WDR72: variants seen among roughly 807,000 people sequenced by gnomAD.
WDR72 encodes the protein WD repeat domain 72.
WDR72 carries 120 observed loss-of-function variants against 124.2 expected under a neutral mutation model. The ratio of observed to expected loss-of-function variants is 0.97; its 90% CI spans 0.83 to 1.12. The LOEUF is 1.12. WDR72 is among the 50% of genes most tolerant of loss of function. The probability of loss-of-function intolerance (pLI) is 0.00; values close to 1 mark genes in which losing one functional copy is unlikely to be tolerated. For synonymous variants in WDR72, 452 were observed against 441.7 expected, an observed-to-expected ratio of 1.02 and a Z score of -0.29; for missense variants, 1,387 against 1,278.8, an observed-to-expected ratio of 1.08 and a Z score of -1.29.
Position 53,722,897 on chromosome 15 carries a change from T to G in WDR72, c.165A>C (p.Lys55Asn), listed in dbSNP as rs760229222. The G allele has an allele frequency of 1.2e-6, 2 of 1,614,124 alleles. No individual in the cohort carries two copies. The highest frequency in any genetic ancestry group is 1.7e-6 in the Non-Finnish European group (2 of 1,179,986). ...NLSHELKISAKELLFGHSASV... is the reference protein window; with the variant it reads ...NLSHELKISANELLFGHSASV... The stretch of plus-strand genomic sequence containing the variant: ...AAGCTGAATGACCAAATAGGAGTTC[T>G]TTCGCTGAAATCTGAAAATAATGAG... The change falls in exon 3 of 20, where the codon AAA becomes AAC. Residue 55 changes from lysine (K) to asparagine (N), a missense_variant. Physicochemically the swap from Lys to Asn is moderately conservative, Grantham distance 94. Coordinates refer to ENST00000360509, the MANE Select transcript of WDR72 (RefSeq NM_182758.4).
At position 53,678,965 on chromosome 15, in the gene WDR72, C is replaced by A. The variant is rs1190164788; in HGVS notation, c.1766-13197G>T. ...GGTGTATACACCTAAAATGGAGTATCAGTCAGCCTTAAAAAAGGAAATTCT... is the reference window on the plus strand; with the variant it reads ...GGTGTATACACCTAAAATGGAGTATAAGTCAGCCTTAAAAAAGGAAATTCT... On this transcript the variant is annotated intron_variant, in intron 13 of 19. Coordinates refer to ENST00000360509, the MANE Select transcript of WDR72 (RefSeq NM_182758.4). 2.0e-5 allele frequency among the ~76,000 whole-genome samples: 3 copies of A among 152,176 alleles called. No individual in the cohort carries two copies. The East Asian group carries it at 5.8e-4, about 29-fold the overall frequency.
At chr15:53,643,440 T>C (rs1567000397) in intron 14 of WDR72, among the ~76,000 whole-genome samples, 3 of 152,160 alleles carry the variant, frequency 2.0e-5, no homozygotes, top group African/African-American at 7.2e-5. Context: ...CCTTCTGTCC[T>C]TGAAAAGATG....
chr15:53,621,701 G>C (rs1404556655), intron 14 of WDR72, among the ~76,000 whole-genome samples: 1 of 151,772 alleles, frequency 6.6e-6, no homozygotes, highest in Non-Finnish European at 1.5e-5. Flanking sequence ...TATAGCTCTT[G>C]GGTGATGGGT....
chr15:53,629,025 C>G (rs1046316110), intron 14 of WDR72, among the ~76,000 whole-genome samples: 33 of 152,174 alleles, frequency 2.2e-4, no homozygotes, highest in African/African-American at 7.7e-4. Flanking sequence ...TAGAAAAATC[C>G]TAATCTAACT....
intron 17 of WDR72, among the ~76,000 whole-genome samples, chr15:53,605,286 T>C (rs1416544579): frequency 6.6e-6 from 1 of 152,058 alleles, no homozygotes; most frequent in African/African-American, 2.4e-5. Flanking sequence ...GGGAGCTAAA[T>C]GATGGGAACA....
intron 14 of WDR72, among the ~76,000 whole-genome samples, chr15:53,621,617 C>A (rs951592239): frequency 6.6e-6 from 1 of 151,496 alleles, no homozygotes; most frequent in Admixed American, 6.6e-5. Flanking sequence ...AAGAATGACA[C>A]AATAAACTTT....
rs1892895337 is a variant in WDR72, at chr15:53,538,672, CTT to C, written c.3149-15352_3149-15351del. Among the ~76,000 whole-genome samples the C allele has an allele frequency of 2.0e-5, 3 of 152,120 alleles. No homozygotes were observed. The South Asian group carries it at 6.2e-4, about 32-fold the overall frequency. On this transcript the variant is annotated intron_variant, in intron 18 of 19. Coordinates refer to ENST00000360509, the MANE Select transcript of WDR72 (RefSeq NM_182758.4). ...TTAATTTTAAAGGTGAAAAAATAGA[CTT>C]ATTTTGGTTTATTATAAAAAGTTTT... is the stretch of plus-strand genomic sequence containing the variant.
chr15:53,659,594 A>T lies in WDR72; in HGVS notation c.1962+5978T>A, dbSNP rs138620779. Among the ~76,000 whole-genome samples the T allele has an allele frequency of 1.0e-2, 1,515 of 152,220 alleles. 19 individuals carry two copies. The highest frequency in any genetic ancestry group is 0.012 in the Non-Finnish European group (841 of 68,022). ...AAATTAGTTTTGAAACGAAGCTGTG[A>T]CATGTTCCTCATAGTTTTCTTCATG... On this transcript the variant is annotated intron_variant, in intron 14 of 19. Transcript: ENST00000360509.
intron 1 of WDR72, among the ~76,000 whole-genome samples, chr15:53,736,316 T>G (rs949426386): frequency 6.6e-6 from 1 of 151,688 alleles, no homozygotes; most frequent in African/African-American, 2.4e-5. Context: ...CCAGGGATGG[T>G]GAGTGAGGTG....
rs150636290 is a variant in WDR72 at position 53,631,380 on chromosome 15, T to C, written c.1963-15137A>G. Among the ~76,000 whole-genome samples the C allele has an allele frequency of 2.3e-4, 35 of 152,346 alleles. No individual in the cohort carries two copies. The East Asian group carries it at 6.5e-3, about 28-fold the overall frequency. The stretch of plus-strand genomic sequence containing the variant: ...TAGAGCCTGCAGAACTGTAAACCAA[T>C]TAAACCTCCTTTCTTTATAAATTAC... On this transcript the variant is annotated intron_variant, in intron 14 of 19. Coordinates refer to ENST00000360509, the MANE Select transcript of WDR72 (RefSeq NM_182758.4).
At chr15:53,735,316 G>C (rs2018321556) in intron 1 of WDR72, among the ~76,000 whole-genome samples, 1 of 152,122 alleles carries the variant, frequency 6.6e-6, no homozygotes, top group Non-Finnish European at 1.5e-5. Context: ...CAAGTATTAA[G>C]AAGAATGTAC....
chr15:53,634,596 C>A (rs1451713164), intron 14 of WDR72, among the ~76,000 whole-genome samples: 1 of 152,200 alleles, frequency 6.6e-6, no homozygotes, highest in African/African-American at 2.4e-5. Flanking sequence ...CCATAGGCTG[C>A]AGGTTGGACA....
intron 18 of WDR72, among the ~76,000 whole-genome samples, chr15:53,537,927 G>A (rs548350003): frequency 1.1e-3 from 172 of 152,206 alleles, no homozygotes; most frequent in African/African-American, 3.9e-3. Context: ...CCAGTTTAAA[G>A]AGGCATGTCC....
chr15:53,538,773 C>T (rs1177143273), intron 18 of WDR72, among the ~76,000 whole-genome samples: 4 of 152,100 alleles, frequency 2.6e-5, no homozygotes, highest in Non-Finnish European at 5.9e-5. Flanking sequence ...CCTAGACACA[C>T]AGCAGATCAC....
At chr15:53,659,621 T>C (rs945284961) in intron 14 of WDR72, among the ~76,000 whole-genome samples, 6 of 151,944 alleles carry the variant, frequency 3.9e-5, no homozygotes, top group African/African-American at 1.2e-4. Flanking sequence ...TTCTTCATGA[T>C]TGAGGTAATA....
intron 18 of WDR72, among the ~76,000 whole-genome samples, chr15:53,529,165 T>TATATATA (rs1555404361): frequency 0.11 from 9,258 of 86,862 alleles, 411 homozygotes; most frequent in African/African-American, 0.13. Context: ...TATATATATA[T>TATATATA]TTTTTTTTTT....
rs201104988 is a variant in WDR72 at position 53,615,421 on chromosome 15, C to T, written c.2780+5G>A. On this transcript the variant is annotated splice_donor_5th_base_variant and intron_variant, in intron 15 of 19. Transcript: ENST00000360509. ...GTATAGTCAAAATCTCTAGGTATGT[C>T]TTACCTGCCAACTCTACATGCCAAT... The T allele has an allele frequency of 2.5e-6, 4 of 1,603,884 alleles. No individual in the cohort carries two copies. Among genetic ancestry groups the T allele is most frequent in the Non-Finnish European group, 3.4e-6 (4 of 1,173,682 alleles).
chr15:53,717,358 A>T (rs987588716), intron 3 of WDR72, among the ~76,000 whole-genome samples: 1 of 152,180 alleles, frequency 6.6e-6, no homozygotes, highest in Admixed American at 6.5e-5. Context: ...AATATTCTTC[A>T]GTCTTGAGAG....
intron 19 of WDR72, among the ~76,000 whole-genome samples, chr15:53,518,765 GA>G (rs80176608): frequency 1.2e-4 from 15 of 129,566 alleles, no homozygotes; most frequent in South Asian, 4.7e-4. Flanking sequence ...AATAGAAAAA[GA>G]AAAAAAAAAA....
Sources: allele counts gnomAD v4.1 joint callset (sites outside exome capture counted in the v4.1 genomes callset), GRCh38; gene constraint gnomAD v4.1.1; transcripts MANE v1.5; gene names NCBI Gene and HGNC (gene_info 2026-07-23, HGNC 2026-07-21).